The following ECHDC2 variants were observed in gnomAD, a reference collection of about 807,000 sequenced individuals.
ECHDC2 encodes enoyl-CoA hydratase domain containing 2.
Under a neutral mutation model 40.6 loss-of-function variants are expected in ECHDC2, and 34 were observed. That is an observed-to-expected ratio of 0.84 (90% CI 0.64 to 1.11). The LOEUF (loss-of-function observed/expected upper bound fraction) is 1.11. Among genes scored for constraint, ECHDC2 ranks in the 50% most tolerant of loss-of-function variants. The pLI is 0.00. For synonymous variants in ECHDC2, 162 were observed against 166.6 expected (o/e 0.97, Z 0.21); for missense variants, 392 against 400.7 (o/e 0.98, Z 0.19).
At chr1:52,920,853 G>C (rs768207698) in intron 1 of ECHDC2, among the ~76,000 whole-genome samples, 1 of 152,222 alleles carries the variant, frequency 6.6e-6, no homozygotes, top group Non-Finnish European at 1.5e-5. Flanking sequence ...GGCAGGAGAA[G>C]CGCCTAGCCC....
chr1:52,908,980 C>G (rs1301277988), intron 3 of ECHDC2, among the ~76,000 whole-genome samples: 1 of 146,982 alleles, frequency 6.8e-6, no homozygotes, highest in Non-Finnish European at 1.5e-5. Context: ...ATAGACATTT[C>G]TCCTGAGGAG....
chr1:52,897,316 G>C, intron 9 of ECHDC2, 121 bp downstream of exon 9: 2 of 1,014,002 alleles, frequency 2.0e-6, no homozygotes, highest in Non-Finnish European at 3.1e-6. Flanking sequence ...GAGGGACGAT[G>C]GATGCGGTCA....
chr1:52,906,302 C>T, intron 5 of ECHDC2: 1 of 647,090 alleles, frequency 1.5e-6, no homozygotes, highest in Non-Finnish European at 2.9e-6. Flanking sequence ...ATGAAGGAAG[C>T]AGGTTCTGAC....
At position 52,914,206 on chromosome 1, in the gene ECHDC2, G is replaced by C; in HGVS notation, c.122-2416C>G. 2.5e-6 allele frequency: 1 copy of C among 399,596 alleles called. No homozygotes were observed. The highest frequency in any genetic ancestry group is 4.9e-6 in the Non-Finnish European group (1 of 202,832). The allele number at this position is 399,596 out of a possible 1,614,324, so 24.8% of individuals were successfully genotyped here. The stretch of plus-strand genomic sequence containing the variant: ...GGCAGAGGGGAGCCCTAGTATAGAA[G>C]GTCAGCAATGAGTTATCAGAGGAGG... On this transcript the variant is annotated intron_variant, in intron 1 of 9. Transcript: ENST00000371522. This position sits in a 1 kb window ranked among gnomAD's most constrained non-coding sequence, Gnocchi z 4.0.
In ECHDC2 at chr1:52,911,631, A is replaced by C. The variant is rs766136963; in HGVS notation, c.212T>G (p.Leu71Arg). The change falls in exon 3 of 10, where the codon CTG (leucine) becomes CGG (arginine). Residue 71 changes from leucine to arginine, a missense_variant. Physicochemically the swap from Leu to Arg is moderately radical, Grantham distance 102. Transcript: ENST00000371522. Reference sequence around the variant, plus strand: ...GACACGCACTTGCCGGTCCTCCCGCAGCTGGGCCAGAGTTTCCAGCAGCTA... The same window carrying C: ...GACACGCACTTGCCGGTCCTCCCGCCGCTGGGCCAGAGTTTCCAGCAGCTA... ...VSELLETLAQ[L>R]REDRQVRVLL... is the part of the protein sequence containing the mutation. 1 of 1,614,186 alleles carries C rather than the reference A, an allele frequency of 6.2e-7. No homozygotes were observed. The highest frequency in any genetic ancestry group is 1.7e-5 in the Admixed American group (1 of 60,026).
intron 3 of ECHDC2, among the ~76,000 whole-genome samples, chr1:52,909,404 A>G (rs1052918717): frequency 2.0e-5 from 3 of 152,060 alleles, no homozygotes; most frequent in Non-Finnish European, 4.4e-5. Flanking sequence ...CTATGCTCAT[A>G]TATCCTCCTG....
At chr1:52,899,045 G>T in intron 8 of ECHDC2, 129 bp downstream of exon 8, 1 of 911,048 alleles carries the variant, frequency 1.1e-6, no homozygotes, top group South Asian at 1.4e-5. Flanking sequence ...CACGAGGTCA[G>T]AGTTCAAGTC....
In ECHDC2 at chr1:52,905,110, T is replaced by C. The variant is rs747556254; in HGVS notation, c.458-20A>G. The C allele has an allele frequency of 1.2e-6, 2 of 1,613,582 alleles. No homozygotes were observed. Among genetic ancestry groups the C allele is most frequent in the South Asian group, 2.2e-5 (2 of 91,028 alleles). On this transcript the variant is annotated intron_variant, in intron 5 of 9. Transcript: ENST00000371522. ...AGGAAGCTGCTCAGATAGAACAAAG[T>C]GAGGCCTCCCTCCCCCATCCGGTCC...
intron 7 of ECHDC2, chr1:52,901,506 GT>G (rs1162964905): frequency 1.3e-5 from 2 of 152,302 alleles, no homozygotes; most frequent in South Asian, 2.1e-4. Flanking sequence ...GATATTGACA[GT>G]TTTTTTCTGG....
In ECHDC2 at chr1:52,897,421, G is replaced by C. The variant is rs368994441; in HGVS notation, c.801+16C>G. 13 of 1,613,652 alleles carry C rather than the reference G, an allele frequency of 8.1e-6. No individual in the cohort carries two copies. The African/African-American group carries it at 1.7e-4, about 22-fold the overall frequency. ...AGCCTATGTTAACAAGCAGGCATGG[G>C]CTGGTTGCTACATACCTGGGCATAG... On this transcript the variant is annotated intron_variant, in intron 9 of 9. Transcript: ENST00000371522.
At position 52,914,018 on chromosome 1, in the gene ECHDC2, T is replaced by C; in HGVS notation, c.122-2228A>G. On this transcript the variant is annotated intron_variant, in intron 1 of 9. Coordinates refer to ENST00000371522, the MANE Select transcript of ECHDC2 (RefSeq NM_001198961.2). This position sits in a 1 kb window ranked among gnomAD's most constrained non-coding sequence, Gnocchi z 4.0. Reference sequence around the variant, plus strand: ...CTCATTTGTACATTTATATATTTGCTGTGTGCTGGCCTCTACTAGACACCG... The same window carrying C: ...CTCATTTGTACATTTATATATTTGCCGTGTGCTGGCCTCTACTAGACACCG... The C allele has an allele frequency of 8.2e-7, 1 of 1,219,710 alleles. No individual in the cohort carries two copies. The highest frequency in any genetic ancestry group is 1.1e-6 in the Non-Finnish European group (1 of 947,260). The allele number at this position is 1,219,710 out of a possible 1,614,324, so 75.6% of individuals were successfully genotyped here.
intron 6 of ECHDC2, 41 bp downstream of exon 6, chr1:52,904,993 T>C: frequency 1.2e-6 from 2 of 1,613,592 alleles, no homozygotes; most frequent in Non-Finnish European, 8.5e-7. Context: ...CGAAGGACCC[T>C]GGATGGGGTG....
rs752223846 is a variant in ECHDC2 at position 52,904,797 on chromosome 1, G to T, written c.551C>A (p.Ala184Asp). 6.8e-6 allele frequency: 11 copies of T among 1,612,882 alleles called. No individual in the cohort carries two copies. The highest frequency in any genetic ancestry group is 9.3e-6 in the Non-Finnish European group (11 of 1,179,880). The change falls in exon 7 of 10, where the codon GCC becomes GAC. Residue 184 changes from alanine (A) to aspartate (D), a missense_variant. Transcript: ENST00000371522. ...CGTGAAGATGAGCTCCTTCGCCAGG[G>T]CCACCCCCAGACAACGGGGCAGCCT... is the stretch of plus-strand genomic sequence containing the variant. ...TQRLPRCLGVALAKELIFTGR... is the reference protein window; with the variant it reads ...TQRLPRCLGVDLAKELIFTGR...
At position 52,905,017 on chromosome 1, in the gene ECHDC2, G is replaced by A. The variant is rs1557489860; in HGVS notation, c.514+17C>T. 1 of 1,614,178 alleles carries A rather than the reference G, an allele frequency of 6.2e-7. No homozygotes were observed. Among genetic ancestry groups the A allele is most frequent in the East Asian group, 2.2e-5 (1 of 44,888 alleles). ...CTGGATGGGGTGGAATTGGGCGGGT[G>A]CTGTAGTTGCGATTACCTGCCCCCG... On this transcript the variant is annotated intron_variant, in intron 6 of 9. Coordinates refer to ENST00000371522, the MANE Select transcript of ECHDC2 (RefSeq NM_001198961.2).
intron 4 of ECHDC2, 68 bp downstream of exon 4, chr1:52,907,800 G>A: frequency 1.5e-6 from 2 of 1,320,606 alleles, no homozygotes; most frequent in East Asian, 2.4e-5. Flanking sequence ...GATGCTGGTG[G>A]GGGTAGCGGG....
At chr1:52,921,505 G>A in intron 1 of ECHDC2, 48 bp downstream of exon 1, 1 of 1,577,228 alleles carries the variant, frequency 6.3e-7, no homozygotes, top group South Asian at 1.2e-5. Context: ...CGCTGCCTCC[G>A]GCCTAGTCCC....
chr1:52,905,000 G>A lies in ECHDC2; in HGVS notation c.514+34C>T, dbSNP rs200409963. 3.8e-5 allele frequency: 61 copies of A among 1,613,898 alleles called. No individual in the cohort carries two copies. In the East Asian group the frequency reaches 1.2e-3, roughly 31 times the overall value. On this transcript the variant is annotated intron_variant, in intron 6 of 9. Transcript: ENST00000371522. ...GAAAGCAGCGAAGGACCCTGGATGG[G>A]GTGGAATTGGGCGGGTGCTGTAGTT... is the stretch of plus-strand genomic sequence containing the variant.
chr1:52,900,111 T>G (rs747429678), intron 7 of ECHDC2: 6 of 151,990 alleles, frequency 3.9e-5, no homozygotes, highest in Non-Finnish European at 7.4e-5. Context: ...ATGTAAAAGG[T>G]CCACCGGAAA....
In ECHDC2 at chr1:52,898,993, A is replaced by G. The variant is rs796727973; in HGVS notation, c.753+181T>C. On this transcript the variant is annotated intron_variant, in intron 8 of 9. Coordinates refer to ENST00000371522, the MANE Select transcript of ECHDC2 (RefSeq NM_001198961.2). ...AGATGAGGATAGAATGTAAACAATA[A>G]TACTGTCTGGCCAATTTGCAGATGT... 38 of 699,580 alleles carry G rather than the reference A, an allele frequency of 5.4e-5. No homozygotes were observed. In the African/African-American group the frequency reaches 6.5e-4, roughly 12 times the overall value. The allele number at this position is 699,580 out of a possible 1,614,324, so 43.3% of individuals were successfully genotyped here.
Sources: gnomAD v4.1 joint callset for allele counts (sites outside exome capture counted in the v4.1 genomes callset) on GRCh38, gnomAD v4.1.1 for gene constraint, Gnocchi (gnomAD v3.1) non-coding constraint, MANE v1.5 for transcripts, NCBI Gene and HGNC (gene_info 2026-07-23, HGNC 2026-07-21) for gene names.